Variants in TTC28 observed in about 807,000 individuals in gnomAD.
The protein encoded by TTC28 is tetratricopeptide repeat protein 28.
In TTC28, 61 loss-of-function variants were observed where a neutral mutation model predicts 198.0. The observed-to-expected ratio is 0.31, with a 90% confidence interval of 0.25 to 0.38. The LOEUF (loss-of-function observed/expected upper bound fraction) is 0.38, where lower values mean the gene tolerates loss of function less well. TTC28 is among the 10% of genes least tolerant of loss of function. TTC28 has a pLI of 1.00. For synonymous variants in TTC28, 1,171 were observed against 1,297.8 expected (o/e 0.90, Z 2.10); for missense variants, 2,678 against 3,164.0 (o/e 0.85, Z 3.69).
intron 6 of TTC28, among the ~76,000 whole-genome samples, chr22:28,162,163 G>A (rs1258271303): frequency 2.0e-5 from 3 of 152,080 alleles, no homozygotes; most frequent in Admixed American, 6.6e-5. Context: ...AAAATTGCCA[G>A]TTACCAATTA....
At chr22:28,623,988 CAAAG>C (rs772802064) in intron 2 of TTC28, among the ~76,000 whole-genome samples, 37 of 151,088 alleles carry the variant, frequency 2.4e-4, no homozygotes, top group Admixed American at 1.8e-3. Context: ...GAAATGAAAA[CAAAG>C]AGCAAAGTAA....
chr22:28,363,602 C>T (rs1197777463), intron 2 of TTC28, among the ~76,000 whole-genome samples: 2 of 152,174 alleles, frequency 1.3e-5, no homozygotes, highest in African/African-American at 4.8e-5. Flanking sequence ...ACAGCTTGCA[C>T]CATGCACCTG....
intron 15 of TTC28, 183 bp downstream of exon 15, chr22:28,001,183 TCATGAGGG>T: frequency 1.6e-6 from 1 of 628,864 alleles, no homozygotes; most frequent in Non-Finnish European, 2.6e-6. Context: ...TGGCCAGGGG[TCATGAGGG>T]CCGTGCCCCA....
intron 2 of TTC28, among the ~76,000 whole-genome samples, chr22:28,618,202 A>G (rs1320645565): frequency 6.6e-6 from 1 of 151,626 alleles, no homozygotes; most frequent in African/African-American, 2.4e-5. Context: ...TTGAACCCAG[A>G]AGACAGAGGT....
chr22:28,584,044 TAGAC>T (rs1196326074), intron 2 of TTC28, among the ~76,000 whole-genome samples: 1 of 146,276 alleles, frequency 6.8e-6, no homozygotes, highest in East Asian at 2.1e-4. Context: ...GGCACAATCA[TAGAC>T]AGCTGACTGC....
At chr22:28,389,190 G>T (rs909660076) in intron 2 of TTC28, among the ~76,000 whole-genome samples, 3 of 152,170 alleles carry the variant, frequency 2.0e-5, no homozygotes, top group African/African-American at 7.2e-5. Context: ...CAGGGATGAG[G>T]CCCACTTGAT....
At chr22:28,403,235 T>G (rs948137806) in intron 2 of TTC28, among the ~76,000 whole-genome samples, 1 of 152,076 alleles carries the variant, frequency 6.6e-6, no homozygotes, top group African/African-American at 2.4e-5. Context: ...TAACCAGCGC[T>G]AGAGACCCAA....
In TTC28 at chr22:27,980,289, C is replaced by G. The variant is rs1019426875; in HGVS notation, c.*1932G>C. ...CTTGCTACACTGGTACTTTTATTAC[C>G]ATTTTTTCCCCTACTAACATAAAGA... On this transcript the variant is annotated 3_prime_UTR_variant, in exon 23 of 23. Transcript: ENST00000397906. The G allele has an allele frequency of 3.3e-5, 5 of 151,956 alleles. No individual in the cohort carries two copies. The highest frequency in any genetic ancestry group is 9.7e-5 in the African/African-American group (4 of 41,412). 9.4% of individuals were successfully genotyped at this position (151,956 alleles called of 1,614,324 possible).
intron 2 of TTC28, among the ~76,000 whole-genome samples, chr22:28,627,351 G>A (rs1003461634): frequency 6.6e-6 from 1 of 152,038 alleles, no homozygotes; most frequent in African/African-American, 2.4e-5. Context: ...GTCATTAATG[G>A]AGGAACAGGA....
intron 12 of TTC28, among the ~76,000 whole-genome samples, chr22:28,036,298 C>T (rs1242916955): frequency 6.6e-6 from 1 of 152,138 alleles, no homozygotes; most frequent in Non-Finnish European, 1.5e-5. Flanking sequence ...TGTAAAAGAA[C>T]AGAAATCACA....
In TTC28 at chr22:28,297,799, G is replaced by A; in HGVS notation, c.583C>T (p.Pro195Ser). The A allele has an allele frequency of 1.9e-6, 3 of 1,551,616 alleles. No individual in the cohort carries two copies. Among genetic ancestry groups the A allele is most frequent in the East Asian group, 4.9e-5 (2 of 40,914 alleles). ...QLQKMKLDKSPFVVVSVVGQE... is the reference protein window; with the variant it reads ...QLQKMKLDKSSFVVVSVVGQE... ...CCAACCACAGACACGACCACAAAGGGACTCTTGTCCAGTTTCATTTTCTGA... is the reference window on the plus strand; with the variant it reads ...CCAACCACAGACACGACCACAAAGGAACTCTTGTCCAGTTTCATTTTCTGA... Residue 195 changes from proline to serine, a missense_variant, in exon 4 of 23, where the codon CCC becomes TCC. Around this residue, in one of 8 missense-constraint regions of TTC28, gnomAD observed 176 missense variants for 197.9 expected, o/e 0.89. Coordinates refer to ENST00000397906, the MANE Select transcript of TTC28 (RefSeq NM_001145418.2).
At chr22:28,058,398 T>A (rs1173788623) in intron 12 of TTC28, among the ~76,000 whole-genome samples, 1 of 152,122 alleles carries the variant, frequency 6.6e-6, no homozygotes, top group Non-Finnish European at 1.5e-5. Flanking sequence ...AGAGCTGACA[T>A]CTTAACAATG....
intron 6 of TTC28, among the ~76,000 whole-genome samples, chr22:28,116,001 G>C (rs1034099915): frequency 1.3e-5 from 2 of 152,158 alleles, no homozygotes; most frequent in African/African-American, 4.8e-5. Context: ...TTTTTGTAGA[G>C]ACTACATTTT....
At chr22:28,182,032 T>TTA (rs1481890835) in intron 5 of TTC28, among the ~76,000 whole-genome samples, 1 of 151,800 alleles carries the variant, frequency 6.6e-6, no homozygotes, top group East Asian at 1.9e-4. Flanking sequence ...ATCCATGAAA[T>TTA]ATTAGAGAGT....
chr22:28,565,686 A>G lies in TTC28; in HGVS notation c.381+63866T>C, dbSNP rs56343123. Reference sequence around the variant, plus strand: ...TTTACTATTAAAGATGGAAAAAATTAGAAGGGCTGAAATCATTTTTAAAAG... The same window carrying G: ...TTTACTATTAAAGATGGAAAAAATTGGAAGGGCTGAAATCATTTTTAAAAG... On this transcript the variant is annotated intron_variant, in intron 2 of 22. Coordinates refer to ENST00000397906, the MANE Select transcript of TTC28 (RefSeq NM_001145418.2). Among the ~76,000 whole-genome samples the G allele has an allele frequency of 8.6e-3, 1,314 of 152,354 alleles. 16 individuals are homozygous for G. Among genetic ancestry groups the G allele is most frequent in the African/African-American group, 0.03 (1,242 of 41,586 alleles).
intron 2 of TTC28, among the ~76,000 whole-genome samples, chr22:28,359,115 A>C (rs868304647): frequency 6.6e-6 from 1 of 152,330 alleles, no homozygotes; most frequent in South Asian, 2.1e-4. Context: ...AAGGGTAAAA[A>C]CAGTTTGGCA....
At chr22:28,075,758 T>C (rs533050733) in intron 12 of TTC28, among the ~76,000 whole-genome samples, 26 of 152,342 alleles carry the variant, frequency 1.7e-4, no homozygotes, top group African/African-American at 6.3e-4. Context: ...CCTCACCCTT[T>C]AGGGCCCAGC....
intron 1 of TTC28, among the ~76,000 whole-genome samples, chr22:28,632,167 C>T (rs562738760): frequency 1.3e-5 from 2 of 149,926 alleles, no homozygotes; most frequent in African/African-American, 2.5e-5. Flanking sequence ...TCTGTTCACA[C>T]GGATATTATA....
chr22:28,537,051 C>T (rs1244998686), intron 2 of TTC28, among the ~76,000 whole-genome samples: 5 of 151,530 alleles, frequency 3.3e-5, no homozygotes, highest in Admixed American at 1.3e-4. Flanking sequence ...CCCAGCACTT[C>T]GGGAGGCCGA....
Sources: gnomAD v4.1 joint callset for allele counts (sites outside exome capture counted in the v4.1 genomes callset) on GRCh38, gnomAD v4.1.1 for gene constraint, gnomAD v4.1.1 regional missense constraint, MANE v1.5 for transcripts, NCBI Gene and HGNC (gene_info 2026-07-23, HGNC 2026-07-21) for gene names.